CBLB: variants seen among roughly 807,000 people sequenced by gnomAD.
CBLB encodes E3 ubiquitin-protein ligase CBL-B.
A neutral mutation model predicts 104.9 loss-of-function variants in CBLB; 31 were observed. The observed-to-expected ratio is 0.30, with a 90% CI of 0.22 to 0.40. CBLB has a LOEUF of 0.40. Among genes scored for constraint, CBLB ranks in the 10% least tolerant of loss-of-function variants. CBLB has a pLI of 1.00. For synonymous variants in CBLB, 440 were observed against 422.6 expected, an observed-to-expected ratio of 1.04 and a Z score of -0.51; for missense variants, 1,062 against 1,214.6, an observed-to-expected ratio of 0.87 and a Z score of 1.87.
chr3:105,825,953 A>G (rs1015154912), intron 3 of CBLB, among the ~76,000 whole-genome samples: 7 of 142,674 alleles, frequency 4.9e-5, no homozygotes, highest in Non-Finnish European at 7.6e-5. Context: ...TGACATACAA[A>G]TTCCTAAAAA....
chr3:105,682,698 T>C (rs1039991899), intron 14 of CBLB, among the ~76,000 whole-genome samples: 12 of 152,122 alleles, frequency 7.9e-5, no homozygotes, highest in Admixed American at 2.6e-4. Context: ...TAGTAGGGTT[T>C]TGCCATGTTG....
chr3:105,673,924 CTA>C (rs2065338157), intron 17 of CBLB: 1 of 152,234 alleles, frequency 6.6e-6, no homozygotes, highest in Non-Finnish European at 1.5e-5. Flanking sequence ...TTAATCCACT[CTA>C]GTTTACTTTA....
At chr3:105,776,280 A>G in intron 4 of CBLB, 116 bp downstream of exon 4, 2 of 943,540 alleles carry the variant, frequency 2.1e-6, no homozygotes, top group Non-Finnish European at 3.2e-6. Context: ...CTTATCAAAA[A>G]TAATAAAATA....
At chr3:105,757,829 A>C (rs959305152) in intron 4 of CBLB, among the ~76,000 whole-genome samples, 1 of 152,156 alleles carries the variant, frequency 6.6e-6, no homozygotes, top group Non-Finnish European at 1.5e-5. Context: ...TGTCATCCTC[A>C]TTTTAAACAA....
chr3:105,750,933 T>G (rs1034812465), intron 5 of CBLB, among the ~76,000 whole-genome samples: 6 of 152,216 alleles, frequency 3.9e-5, no homozygotes, highest in Non-Finnish European at 8.8e-5. Flanking sequence ...TTATTGACTT[T>G]GAAAAATGTT....
intron 4 of CBLB, among the ~76,000 whole-genome samples, chr3:105,768,255 A>G (rs1158646009): frequency 2.0e-5 from 3 of 152,220 alleles, no homozygotes; most frequent in Non-Finnish European, 2.9e-5. Flanking sequence ...ACTAATGGGA[A>G]AAATTATGAG....
At chr3:105,675,742 G>A (rs1003230629) in intron 17 of CBLB, among the ~76,000 whole-genome samples, 8 of 151,934 alleles carry the variant, frequency 5.3e-5, no homozygotes, top group South Asian at 2.1e-4. Context: ...AAAATTAGCC[G>A]AGTGTAGTGG....
At chr3:105,831,554 A>G (rs2087525560) in intron 3 of CBLB, among the ~76,000 whole-genome samples, 1 of 152,274 alleles carries the variant, frequency 6.6e-6, no homozygotes, top group South Asian at 2.1e-4. Context: ...AAGTTCTAGC[A>G]CTTGATTATT....
At chr3:105,826,354 T>A (rs1377427600) in intron 3 of CBLB, among the ~76,000 whole-genome samples, 1 of 152,086 alleles carries the variant, frequency 6.6e-6, no homozygotes, top group Non-Finnish European at 1.5e-5. Context: ...AAAGATAAAA[T>A]ATTAAACAAG....
At chr3:105,783,604 T>C (rs980102198) in intron 3 of CBLB, among the ~76,000 whole-genome samples, 2 of 152,154 alleles carry the variant, frequency 1.3e-5, no homozygotes, top group Admixed American at 6.6e-5. Context: ...AAGATGAAGA[T>C]GACAGAATCC....
intron 3 of CBLB, among the ~76,000 whole-genome samples, chr3:105,841,310 A>G (rs1323375155): frequency 3.3e-5 from 5 of 150,976 alleles, no homozygotes; most frequent in Non-Finnish European, 7.4e-5. Flanking sequence ...AAAAAAAAAA[A>G]GGAATTAAAA....
intron 3 of CBLB, among the ~76,000 whole-genome samples, chr3:105,833,820 A>C (rs2087951437): frequency 6.6e-6 from 1 of 152,208 alleles, no homozygotes; most frequent in Non-Finnish European, 1.5e-5. Context: ...AACTTTATAT[A>C]AGTTTCCTCT....
chr3:105,859,921 G>A (rs966513354), intron 2 of CBLB, among the ~76,000 whole-genome samples: 5 of 152,110 alleles, frequency 3.3e-5, no homozygotes, highest in African/African-American at 1.2e-4. Context: ...TATTAATTGG[G>A]CAAAACAAAG....
chr3:105,743,541 T>A (rs560528760), intron 6 of CBLB, among the ~76,000 whole-genome samples: 17 of 151,924 alleles, frequency 1.1e-4, no homozygotes, highest in Admixed American at 9.2e-4. Flanking sequence ...GGTTTAGGGT[T>A]CAATGCCACT....
intron 10 of CBLB, among the ~76,000 whole-genome samples, chr3:105,712,919 C>T: frequency 6.6e-6 from 1 of 152,038 alleles, no homozygotes; most frequent in East Asian, 1.9e-4. Context: ...CTCAAAAATA[C>T]TAATAACTTA....
At chr3:105,661,526 G>A (rs2063787990) in intron 18 of CBLB, among the ~76,000 whole-genome samples, 1 of 152,128 alleles carries the variant, frequency 6.6e-6, no homozygotes, top group South Asian at 2.1e-4. Context: ...AAAGTACCTA[G>A]ACTTAGAAAA....
chr3:105,699,247 A>G (rs1207728839), intron 12 of CBLB, among the ~76,000 whole-genome samples: 2 of 152,176 alleles, frequency 1.3e-5, no homozygotes, highest in Non-Finnish European at 2.9e-5. Flanking sequence ...GTTTCGGTTT[A>G]AAAAACAGAC....
intron 10 of CBLB, among the ~76,000 whole-genome samples, chr3:105,714,740 G>A (rs2152813979): frequency 6.6e-6 from 1 of 152,304 alleles, no homozygotes; most frequent in South Asian, 2.1e-4. Flanking sequence ...ATGGCCTGGG[G>A]TTTGGGGACC....
chr3:105,662,748 G>C (rs1449504204), intron 18 of CBLB, among the ~76,000 whole-genome samples: 1 of 152,154 alleles, frequency 6.6e-6, no homozygotes, highest in Non-Finnish European at 1.5e-5. Flanking sequence ...CCCAGCCCTT[G>C]TGTTGTTCAC....
Sources: gnomAD v4.1 joint callset for allele counts (sites outside exome capture counted in the v4.1 genomes callset) on GRCh38, gnomAD v4.1.1 for gene constraint, MANE v1.5 for transcripts, NCBI Gene and HGNC (gene_info 2026-07-23, HGNC 2026-07-21) for gene names.